Variants in EYS observed in about 807,000 individuals in gnomAD.
The protein encoded by EYS is protein eyes shut homolog.
Under a neutral mutation model 282.1 loss-of-function variants are expected in EYS, and 250 were observed. That is an observed-to-expected ratio of 0.89 (90% CI 0.80 to 0.98). EYS has a LOEUF of 0.98. Ranked by LOEUF, EYS falls within the 50% of genes least tolerant of loss-of-function variation. The pLI is 0.00. For synonymous variants in EYS, 1,355 were observed against 1,282.9 expected, an observed-to-expected ratio of 1.06 and a Z score of -1.20; for missense variants, 4,016 against 3,709.0, an observed-to-expected ratio of 1.08 and a Z score of -2.15.
intron 26 of EYS, among the ~76,000 whole-genome samples, chr6:64,441,354 G>T (rs1582756392): frequency 6.6e-6 from 1 of 152,282 alleles, no homozygotes; most frequent in Non-Finnish European, 1.5e-5. Context: ...TGTCAAAACT[G>T]TTGTGCCCAG....
chr6:65,607,073 T>G (rs1412618264), intron 2 of EYS, among the ~76,000 whole-genome samples: 1 of 151,842 alleles, frequency 6.6e-6, no homozygotes, highest in Non-Finnish European at 1.5e-5. Context: ...TATGCTTAAT[T>G]TAGATATTGT....
chr6:65,638,679 G>A (rs1010207566), intron 2 of EYS, among the ~76,000 whole-genome samples: 1 of 152,240 alleles, frequency 6.6e-6, no homozygotes, highest in Non-Finnish European at 1.5e-5. Context: ...CCGCGCTGCA[G>A]CAGCCAGCAT....
chr6:64,162,428 C>A (rs1775135662), intron 31 of EYS, among the ~76,000 whole-genome samples: 1 of 152,156 alleles, frequency 6.6e-6, no homozygotes, highest in Admixed American at 6.5e-5. Flanking sequence ...TTTCAGCCCT[C>A]TGTTTCTCCA....
chr6:64,337,017 A>C (rs1696767880), intron 29 of EYS, among the ~76,000 whole-genome samples: 2 of 152,036 alleles, frequency 1.3e-5, no homozygotes, highest in African/African-American at 4.8e-5. Flanking sequence ...ACCTACATCA[A>C]AAAGGCTGAA....
chr6:63,986,190 A>G (rs984703016), intron 34 of EYS, among the ~76,000 whole-genome samples: 6 of 151,972 alleles, frequency 3.9e-5, no homozygotes. Flanking sequence ...ATCACTGATC[A>G]TTAGAGAAAT....
At chr6:65,464,241 T>A (rs780386173) in intron 5 of EYS, among the ~76,000 whole-genome samples, 3 of 152,104 alleles carry the variant, frequency 2.0e-5, no homozygotes, top group Non-Finnish European at 4.4e-5. Context: ...ACAGGAGATA[T>A]GAAGCAAAGA....
At chr6:64,229,298 A>C (rs966029578) in intron 31 of EYS, among the ~76,000 whole-genome samples, 3 of 152,100 alleles carry the variant, frequency 2.0e-5, no homozygotes, top group African/African-American at 7.2e-5. Flanking sequence ...AAATAAGAGT[A>C]TTTTTTAAGA....
At chr6:64,385,448 G>T (rs1246343570) in intron 29 of EYS, among the ~76,000 whole-genome samples, 1 of 152,104 alleles carries the variant, frequency 6.6e-6, no homozygotes, top group Non-Finnish European at 1.5e-5. Context: ...TGCTTAGCTG[G>T]CTGCCTTTTT....
Position 63,720,743 on chromosome 6 carries a change from T to C in EYS, c.9288A>G (p.Val3096=). Residue 3096 remains valine (V), a synonymous_variant, in exon 43 of 43, where the codon GTA becomes GTG. Coordinates refer to ENST00000503581, the MANE Select transcript of EYS (RefSeq NM_001142800.2). ...YLGGFEYGRK[V]NIVTQEIFKT... ...TAAAAATCTCTTGAGTAACGATATTTACCTTTCTACCATATTCAAAGCCCC... is the reference window on the plus strand; with the variant it reads ...TAAAAATCTCTTGAGTAACGATATTCACCTTTCTACCATATTCAAAGCCCC... 6.5e-7 allele frequency: 1 copy of C among 1,549,712 alleles called. No homozygotes were observed. The highest frequency in any genetic ancestry group is 1.2e-5 in the South Asian group (1 of 83,720).
intron 31 of EYS, among the ~76,000 whole-genome samples, chr6:64,228,430 A>G (rs959124911): frequency 2.6e-5 from 4 of 152,140 alleles, no homozygotes; most frequent in Non-Finnish European, 5.9e-5. Context: ...AATTTTGTTT[A>G]GTATATCATG....
chr6:65,205,135 G>T (rs1320963364), intron 12 of EYS, among the ~76,000 whole-genome samples: 1 of 147,388 alleles, frequency 6.8e-6, no homozygotes, highest in African/African-American at 2.5e-5. Context: ...ATCTCCAACT[G>T]TCGGCTGCCT....
chr6:64,178,001 G>T (rs1245451070), intron 31 of EYS, among the ~76,000 whole-genome samples: 1 of 152,002 alleles, frequency 6.6e-6, no homozygotes, highest in Non-Finnish European at 1.5e-5. Flanking sequence ...CAGAATCATT[G>T]GCCAATGGCA....
chr6:63,745,938 G>C (rs1279152233), intron 41 of EYS, among the ~76,000 whole-genome samples: 2 of 152,180 alleles, frequency 1.3e-5, no homozygotes, highest in African/African-American at 4.8e-5. Context: ...TGTACCATGT[G>C]AGGACACAGG....
intron 10 of EYS, among the ~76,000 whole-genome samples, chr6:65,337,542 T>G (rs1352195836): frequency 6.6e-6 from 1 of 151,230 alleles, no homozygotes; most frequent in African/African-American, 2.4e-5. Flanking sequence ...TATCTACAGG[T>G]AGTTTAGCTT....
At chr6:63,859,326 A>G (rs1180749011) in intron 36 of EYS, among the ~76,000 whole-genome samples, 1 of 152,030 alleles carries the variant, frequency 6.6e-6, no homozygotes, top group African/African-American at 2.4e-5. Context: ...ATTGAAGTAC[A>G]GAGAGACCAA....
intron 19 of EYS, among the ~76,000 whole-genome samples, chr6:64,840,803 C>T (rs906099789): frequency 1.3e-5 from 2 of 151,710 alleles, no homozygotes; most frequent in African/African-American, 4.8e-5. Context: ...GAATGTAAAA[C>T]TGTGTTGTCC....
chr6:65,104,086 A>G (rs1356171009), intron 12 of EYS, among the ~76,000 whole-genome samples: 2 of 151,492 alleles, frequency 1.3e-5, no homozygotes, highest in African/African-American at 4.8e-5. Context: ...ATAGAACATT[A>G]TAAATACAGT....
intron 35 of EYS, among the ~76,000 whole-genome samples, chr6:63,951,323 A>G (rs1388973385): frequency 6.6e-6 from 1 of 152,128 alleles, no homozygotes; most frequent in Non-Finnish European, 1.5e-5. Context: ...CGATTTCTCC[A>G]TCCTACAAGA....
intron 15 of EYS, among the ~76,000 whole-genome samples, chr6:64,943,604 CAAAA>C (rs1325318581): frequency 6.6e-6 from 1 of 151,702 alleles, no homozygotes; most frequent in Admixed American, 6.6e-5. Flanking sequence ...ACACCAAAAA[CAAAA>C]AACAAACAAA....
Sources: gnomAD v4.1 joint callset for allele counts (sites outside exome capture counted in the v4.1 genomes callset) on GRCh38, gnomAD v4.1.1 for gene constraint, MANE v1.5 for transcripts, NCBI Gene and HGNC (gene_info 2026-07-23, HGNC 2026-07-21) for gene names.